Variants in ZFX observed in about 807,000 individuals in gnomAD.
The protein encoded by ZFX is zinc finger protein X-linked.
For synonymous variants in ZFX, 196 were observed against 226.8 expected (o/e 0.86, Z 1.22); for missense variants, 362 against 628.3 (o/e 0.58, Z 4.53).
chrX:24,152,548 G>A (rs907713277), intron 2 of ZFX, among the ~76,000 whole-genome samples, 172 bp from the exon 3 acceptor site: 2 of 111,801 alleles, frequency 1.8e-5, no homozygotes, highest in Non-Finnish European at 3.8e-5. Flanking sequence ...GAAAGGGCTG[G>A]AGGGAATGAG....
intron 4 of ZFX, chrX:24,173,583 C>T (rs1389853754): frequency 7.0e-6 from 8 of 1,144,764 alleles, no homozygotes; most frequent in Middle Eastern, 3.2e-4. Flanking sequence ...GTTACACTTG[C>T]GTTTTGGGTT....
At chrX:24,204,067 G>A (rs998596502) in intron 5 of ZFX, among the ~76,000 whole-genome samples, 2 of 112,475 alleles carry the variant, frequency 1.8e-5, no homozygotes, top group African/African-American at 6.5e-5. Context: ...ATATTAAAAT[G>A]TAGTTTGTTG....
At chrX:24,184,934 T>C (rs376040283) in intron 5 of ZFX, among the ~76,000 whole-genome samples, 1 of 101,260 alleles carries the variant, frequency 9.9e-6, no homozygotes, top group Non-Finnish European at 2.0e-5. Flanking sequence ...TGGTGGCCTT[T>C]AGTAGTATCT....
intron 5 of ZFX, among the ~76,000 whole-genome samples, chrX:24,196,782 G>A (rs1261193761): frequency 9.0e-6 from 1 of 111,465 alleles, no homozygotes; most frequent in Non-Finnish European, 1.9e-5. Context: ...TATTTGTAGA[G>A]ATGGGGTCTC....
intron 5 of ZFX, among the ~76,000 whole-genome samples, chrX:24,189,495 C>G (rs981729769): frequency 1.8e-5 from 2 of 111,880 alleles, no homozygotes; most frequent in East Asian, 5.6e-4. Flanking sequence ...TCCAATAAAA[C>G]GTGGTTCAGG....
chrX:24,165,099 A>G (rs1933868730), intron 3 of ZFX, among the ~76,000 whole-genome samples: 1 of 106,557 alleles, frequency 9.4e-6, no homozygotes, highest in South Asian at 4.6e-4. Flanking sequence ...CCAAATCCTA[A>G]TACAGTATCA....
rs940520169 is a variant in ZFX, at chrX:24,213,141, G to A, written c.*1765G>A. ...CAGGCTGGTCTTGAACCCTGACCTC[G>A]TGATCCACCTGCCTCGGCCTTCCAT... On this transcript the variant is annotated 3_prime_UTR_variant, in exon 10 of 10. Transcript: ENST00000304543. The A allele has an allele frequency of 8.9e-6, 1 of 111,864 alleles. No homozygotes were observed. Among genetic ancestry groups the A allele is most frequent in the South Asian group, 3.8e-4 (1 of 2,658 alleles). The allele number at this position is 111,864 out of a possible 1,213,427, so 9.2% of individuals were successfully genotyped here.
chrX:24,153,305 C>T (rs140441776), intron 3 of ZFX, among the ~76,000 whole-genome samples: 1 of 111,140 alleles, frequency 9.0e-6, no homozygotes, highest in African/African-American at 3.3e-5. Flanking sequence ...GCCAAGTCTC[C>T]CCTCCCTTCC....
Position 24,211,437 on chromosome X carries a change from G to A in ZFX, c.*61G>A, listed in dbSNP as rs376311819. ...CTTGAAGCAGAAAATTCATTTTAAA[G>A]CCAATCAGTCTCATTCACATACAAT... On this transcript the variant is annotated 3_prime_UTR_variant, in exon 10 of 10. Transcript: ENST00000304543. 4.5e-4 allele frequency: 503 copies of A among 1,121,186 alleles called. No homozygotes were observed. The South Asian group carries it at 6.6e-3, about 15-fold the overall frequency. The allele number at this position is 1,121,186 out of a possible 1,213,427, so 92.4% of individuals were successfully genotyped here. A position where few individuals can be genotyped will look rare whatever the true frequency, so the allele number is the denominator to read the frequency against.
intron 5 of ZFX, among the ~76,000 whole-genome samples, chrX:24,199,260 CTT>C (rs57451356): frequency 6.9e-5 from 7 of 101,735 alleles, no homozygotes; most frequent in African/African-American, 3.6e-5. Context: ...TGAAGTGAAT[CTT>C]TTTTTTTTTT....
At chrX:24,155,818 A>G (rs745800512) in intron 3 of ZFX, among the ~76,000 whole-genome samples, 10 of 112,484 alleles carry the variant, frequency 8.9e-5, no homozygotes, top group Non-Finnish European at 1.1e-4. Flanking sequence ...AGAGTTTTCT[A>G]TTAATTGCTT....
chrX:24,175,865 C>T (rs1222080904), intron 4 of ZFX, among the ~76,000 whole-genome samples: 4 of 110,914 alleles, frequency 3.6e-5, no homozygotes, highest in African/African-American at 1.3e-4. Flanking sequence ...AGGCGTGAGC[C>T]ACCGCGCCCG....
chrX:24,158,255 G>A (rs1302323148), intron 3 of ZFX, among the ~76,000 whole-genome samples: 1 of 109,623 alleles, frequency 9.1e-6, no homozygotes, highest in Non-Finnish European at 1.9e-5. Flanking sequence ...GTGAAATGTA[G>A]TAGTAATAAC....
chrX:24,183,713 T>C (rs1316150645), intron 5 of ZFX, among the ~76,000 whole-genome samples: 2 of 110,052 alleles, frequency 1.8e-5, no homozygotes, highest in East Asian at 5.7e-4. Flanking sequence ...GTATAAGGTG[T>C]ATATGAAACA....
At position 24,215,835 on chromosome X, in the gene ZFX, T is replaced by A. The variant is rs958684465; in HGVS notation, c.*4459T>A. ...GATTCAGCATTTAAAAGAGAAGGGT[T>A]GAAAAAGATTGTGTGTGTGTGTGTG... On this transcript the variant is annotated 3_prime_UTR_variant, in exon 10 of 10. Coordinates refer to ENST00000304543, the MANE Select transcript of ZFX (RefSeq NM_003410.4). The A allele has an allele frequency of 1.1e-5, 1 of 89,936 alleles. No individual in the cohort carries two copies. Among genetic ancestry groups the A allele is most frequent in the African/African-American group, 4.3e-5 (1 of 23,097 alleles). 7.4% of individuals were successfully genotyped at this position (89,936 alleles called of 1,213,427 possible).
intron 3 of ZFX, among the ~76,000 whole-genome samples, chrX:24,159,279 A>T (rs994295284): frequency 8.9e-6 from 1 of 112,309 alleles, no homozygotes; most frequent in South Asian, 3.7e-4. Flanking sequence ...CGTGAGCTAC[A>T]GCGTGGGTCC....
intron 6 of ZFX, 102 bp from the exon 7 acceptor site, chrX:24,207,610 C>T: frequency 1.7e-5 from 19 of 1,125,829 alleles, no homozygotes; most frequent in Non-Finnish European, 2.3e-5. Flanking sequence ...TGTAGTAATA[C>T]CAAAGTTTGT....
Position 24,174,273 on chromosome X carries a change from C to T in ZFX, c.58+1473C>T, listed in dbSNP as rs185361807. 2.7e-5 allele frequency among the ~76,000 whole-genome samples: 3 copies of T among 110,570 alleles called. No homozygotes were observed. In the East Asian group the frequency reaches 8.5e-4, roughly 31 times the overall value. On this transcript the variant is annotated intron_variant, in intron 4 of 9. Coordinates refer to ENST00000304543, the MANE Select transcript of ZFX (RefSeq NM_003410.4). Reference sequence around the variant, plus strand: ...GTTTTATATCACACCAGGTAGCTACCCCTTATTATAAATAAAATGCTAATA... The same window carrying T: ...GTTTTATATCACACCAGGTAGCTACTCCTTATTATAAATAAAATGCTAATA...
At position 24,213,936 on chromosome X, in the gene ZFX, GAACAC is replaced by G. The variant is rs767191106; in HGVS notation, c.*2566_*2570del. ...TTTTTTAAATAAACTGAAAGATAAAGAACACAACACTTCACACATTTTATATTTCT... is the reference window on the plus strand; with the variant it reads ...TTTTTTAAATAAACTGAAAGATAAAGAACACTTCACACATTTTATATTTCT... On this transcript the variant is annotated 3_prime_UTR_variant, in exon 10 of 10. Transcript: ENST00000304543. 9.0e-6 allele frequency: 1 copy of G among 110,695 alleles called. No individual in the cohort carries two copies. The highest frequency in any genetic ancestry group is 3.8e-4 in the South Asian group (1 of 2,641). 9.1% of individuals were successfully genotyped at this position (110,695 alleles called of 1,213,427 possible).
Sources: allele counts gnomAD v4.1 joint callset (sites outside exome capture counted in the v4.1 genomes callset), GRCh38; gene constraint gnomAD v4.1.1; transcripts MANE v1.5; gene names NCBI Gene and HGNC (gene_info 2026-07-23, HGNC 2026-07-21).